SGCZ: variants seen among roughly 807,000 people sequenced by gnomAD.
SGCZ encodes the protein sarcoglycan zeta, also known as zeta-sarcoglycan.
SGCZ carries 40 observed loss-of-function variants against 41.3 expected under a neutral mutation model. That is an observed-to-expected ratio of 0.97 (90% CI 0.75 to 1.26). The LOEUF (loss-of-function observed/expected upper bound fraction) is 1.26, where lower values mean the gene tolerates loss of function less well. SGCZ is among the 50% of genes most tolerant of loss of function. SGCZ has a pLI of 0.00. For synonymous variants in SGCZ, 206 were observed against 137.5 expected (o/e 1.50, Z -3.49); for missense variants, 552 against 369.8 (o/e 1.49, Z -4.04).
chr8:15,069,053 T>C (rs1805258425), intron 1 of SGCZ, among the ~76,000 whole-genome samples: 1 of 152,250 alleles, frequency 6.6e-6, no homozygotes. Flanking sequence ...AGTTAAAGTA[T>C]TGGCTGACAG....
chr8:14,158,690 G>A (rs530633466), intron 5 of SGCZ, among the ~76,000 whole-genome samples: 1 of 152,252 alleles, frequency 6.6e-6, no homozygotes, highest in African/African-American at 2.4e-5. Flanking sequence ...GCAAATACCA[G>A]GCCCTGAATG....
At chr8:14,385,836 G>A (rs912037208) in intron 2 of SGCZ, among the ~76,000 whole-genome samples, 1 of 152,206 alleles carries the variant, frequency 6.6e-6, no homozygotes. Flanking sequence ...ATCTGACAGG[G>A]ATTGGTTCTA....
At chr8:14,452,995 C>T (rs1401548417) in intron 2 of SGCZ, among the ~76,000 whole-genome samples, 5 of 151,890 alleles carry the variant, frequency 3.3e-5, no homozygotes, top group African/African-American at 4.8e-5. Context: ...CCCAGCTACT[C>T]GGGAGGCTGA....
intron 2 of SGCZ, among the ~76,000 whole-genome samples, chr8:14,362,646 C>T (rs1803567095): frequency 6.6e-6 from 1 of 152,080 alleles, no homozygotes. Context: ...ACCCCTTGCA[C>T]CCCCCAGATG....
At chr8:15,156,219 G>T (rs117604761) in intron 1 of SGCZ, among the ~76,000 whole-genome samples, 1,562 of 152,190 alleles carry the variant, frequency 0.01, 10 homozygotes, top group Non-Finnish European at 0.018. Context: ...AATGGCTAAT[G>T]TCCAAAAACG....
At chr8:14,788,539 G>C (rs946500480) in intron 1 of SGCZ, among the ~76,000 whole-genome samples, 2 of 152,054 alleles carry the variant, frequency 1.3e-5, no homozygotes, top group South Asian at 4.1e-4. Context: ...TAACTTCTAA[G>C]ATTCTTCATT....
intron 1 of SGCZ, among the ~76,000 whole-genome samples, chr8:14,588,447 T>C (rs1805132720): frequency 6.6e-6 from 1 of 152,110 alleles, no homozygotes; most frequent in African/African-American, 2.4e-5. Context: ...ATTTATTCAG[T>C]GAATACATTA....
intron 2 of SGCZ, among the ~76,000 whole-genome samples, chr8:14,442,821 TG>T (rs1249410689): frequency 6.6e-6 from 1 of 152,216 alleles, no homozygotes; most frequent in East Asian, 1.9e-4. Flanking sequence ...AATTATTTTT[TG>T]TATCATTATC....
At chr8:14,588,589 G>A (rs1805139878) in intron 1 of SGCZ, among the ~76,000 whole-genome samples, 1 of 151,588 alleles carries the variant, frequency 6.6e-6, no homozygotes, top group South Asian at 2.1e-4. Context: ...TAAACTACTT[G>A]GGCAAATAAA....
intron 1 of SGCZ, among the ~76,000 whole-genome samples, chr8:15,042,524 C>G (rs1431822135): frequency 1.3e-5 from 2 of 152,126 alleles, no homozygotes; most frequent in Non-Finnish European, 2.9e-5. Flanking sequence ...TCAAAGGTGA[C>G]CTAAAACAAA....
At chr8:14,780,628 T>C (rs1219101111) in intron 1 of SGCZ, among the ~76,000 whole-genome samples, 1 of 152,090 alleles carries the variant, frequency 6.6e-6, no homozygotes, top group Non-Finnish European at 1.5e-5. Context: ...ATTCCCAGGA[T>C]TAACCTCTAA....
intron 4 of SGCZ, among the ~76,000 whole-genome samples, chr8:14,198,710 G>A (rs1263561650): frequency 6.6e-6 from 1 of 152,142 alleles, no homozygotes; most frequent in Non-Finnish European, 1.5e-5. Flanking sequence ...ACAAACGGAG[G>A]GACCAGCTGA....
At chr8:14,750,494 G>A (rs1799465420) in intron 1 of SGCZ, among the ~76,000 whole-genome samples, 1 of 152,100 alleles carries the variant, frequency 6.6e-6, no homozygotes, top group Non-Finnish European at 1.5e-5. Flanking sequence ...AGGAAGGAGA[G>A]AGCTGTCTTT....
rs541620611 is a variant in SGCZ at position 14,924,960 on chromosome 8, C to T, written c.39+312625G>A. 6.6e-5 allele frequency among the ~76,000 whole-genome samples: 10 copies of T among 150,464 alleles called. 1 individual carries two copies. The South Asian group carries it at 1.3e-3, about 19-fold the overall frequency. ...GCAACCTCTGCCTTTTGGGTTCAAG[C>T]GATTCTTGTGCCTCAGCCTCCCGAG... On this transcript the variant is annotated intron_variant, in intron 1 of 7. Coordinates refer to ENST00000382080, the MANE Select transcript of SGCZ (RefSeq NM_139167.4).
intron 4 of SGCZ, among the ~76,000 whole-genome samples, chr8:14,186,329 A>G (rs1328147224): frequency 6.6e-6 from 1 of 152,250 alleles, no homozygotes; most frequent in Non-Finnish European, 1.5e-5. Flanking sequence ...CATTTTAGCC[A>G]TGAATCTCTC....
At chr8:15,189,722 T>C (rs187616811) in intron 1 of SGCZ, among the ~76,000 whole-genome samples, 4 of 152,166 alleles carry the variant, frequency 2.6e-5, no homozygotes, top group Admixed American at 2.0e-4. Context: ...CTAATTTTTT[T>C]GTATTTTTAG....
At chr8:14,901,746 T>C (rs1798979392) in intron 1 of SGCZ, among the ~76,000 whole-genome samples, 2 of 152,278 alleles carry the variant, frequency 1.3e-5, no homozygotes. Flanking sequence ...TACATGACAA[T>C]GTATCCTACA....
rs1360950548 is a variant in SGCZ at position 14,237,593 on chromosome 8, T to C, written c.423A>G (p.Ile141Met). 3.7e-6 allele frequency: 6 copies of C among 1,613,534 alleles called. No individual in the cohort carries two copies. The South Asian group carries it at 6.6e-5, about 18-fold the overall frequency. The change falls in exon 4 of 8, where the codon ATA (isoleucine) becomes ATG (methionine). Residue 141 changes from isoleucine (I) to methionine (M), a missense_variant and splice_region_variant. Physicochemically the swap from Ile to Met is conservative, Grantham distance 10. Coordinates refer to ENST00000382080, the MANE Select transcript of SGCZ (RefSeq NM_139167.4). ...HMGQLTGQLTIGADAVEAQCK... is the reference protein window; with the variant it reads ...HMGQLTGQLTMGADAVEAQCK... ...CAATCTTTACCCCAAAACACTCACC[T>C]ATGGTCAGCTGTCCGGTTAACTGCC...
chr8:14,744,423 G>T (rs1313856391), intron 1 of SGCZ, among the ~76,000 whole-genome samples: 2 of 152,080 alleles, frequency 1.3e-5, no homozygotes, highest in Admixed American at 6.6e-5. Flanking sequence ...CTATCCATAG[G>T]GCTTGGTCTG....
Sources: gnomAD v4.1 joint callset for allele counts (sites outside exome capture counted in the v4.1 genomes callset) on GRCh38, gnomAD v4.1.1 for gene constraint, MANE v1.5 for transcripts, NCBI Gene and HGNC (gene_info 2026-07-23, HGNC 2026-07-21) for gene names.